The following IQSEC2 variants were observed in gnomAD, a reference collection of about 807,000 sequenced individuals.
IQSEC2 encodes the protein IQ motif and Sec7 domain ArfGEF 2, also known as IQ motif and SEC7 domain-containing protein 2.
A neutral mutation model predicts 74.6 loss-of-function variants in IQSEC2; 6 were observed. The observed-to-expected ratio is 0.08, with a 90% CI of 0.04 to 0.16. The LOEUF is 0.16. Ranked by LOEUF, IQSEC2 falls within the 10% of genes least tolerant of loss-of-function variation. The pLI is 1.00. For missense variants in IQSEC2, 734 were observed against 1,306.2 expected, an observed-to-expected ratio of 0.56 and a Z score of 6.75; for synonymous variants, 494 against 544.5, an observed-to-expected ratio of 0.91 and a Z score of 1.29.
At chrX:53,296,434 G>A (rs2075153528) in intron 1 of IQSEC2, among the ~76,000 whole-genome samples, 1 of 111,925 alleles carries the variant, frequency 8.9e-6, no homozygotes, top group African/African-American at 3.3e-5. Flanking sequence ...CCCTGGCCCA[G>A]AAATCATGCG....
chrX:53,285,759 G>A (rs2075019445), intron 2 of IQSEC2, among the ~76,000 whole-genome samples: 1 of 112,470 alleles, frequency 8.9e-6, no homozygotes, highest in Non-Finnish European at 1.9e-5. Context: ...TGTGTGCCAG[G>A]CCAGAGTCAG....
chrX:53,315,203 C>G (rs899912242), intron 1 of IQSEC2, among the ~76,000 whole-genome samples: 1 of 111,654 alleles, frequency 9.0e-6, no homozygotes, highest in Admixed American at 9.5e-5. Context: ...CCAGCCTGAC[C>G]AACATGGTGA....
In IQSEC2 at chrX:53,255,889, C is replaced by G. The variant is rs782768117; in HGVS notation, c.910G>C (p.Ala304Pro). 8.3e-7 allele frequency: 1 copy of G among 1,210,818 alleles called. No individual in the cohort carries two copies. The highest frequency in any genetic ancestry group is 1.1e-6 in the Non-Finnish European group (1 of 894,975). ...TCCTCCTCCTCCTGCTTCCTCAGGG[C>G]GACACTGGCTGGCTGGAGGCGTGCC... ...QRARLQPASV[A>P]LRKQEEEEIK... Residue 304 changes from alanine (A) to proline (P), a missense_variant, in exon 3 of 15, where the codon GCC becomes CCC. By Grantham distance (27) the Ala-to-Pro change is conservative. This residue lies in a region of IQSEC2 where 54 missense variants were observed against 62.1 expected (regional missense o/e 0.87). Coordinates refer to ENST00000642864, the MANE Select transcript of IQSEC2 (RefSeq NM_001111125.3).
intron 2 of IQSEC2, among the ~76,000 whole-genome samples, chrX:53,272,972 C>T (rs2074766347): frequency 9.0e-6 from 1 of 111,555 alleles, no homozygotes; most frequent in Non-Finnish European, 1.9e-5. Context: ...GCATTATCTC[C>T]AATCCTAAAG....
intron 1 of IQSEC2, among the ~76,000 whole-genome samples, chrX:53,297,310 T>G (rs2075163116): frequency 9.0e-6 from 1 of 111,485 alleles, no homozygotes; most frequent in Non-Finnish European, 1.9e-5. Context: ...AACTTTTTAT[T>G]TTCCCTGCTA....
intron 1 of IQSEC2, among the ~76,000 whole-genome samples, chrX:53,316,383 C>A (rs1205977185): frequency 1.8e-5 from 2 of 111,242 alleles, no homozygotes; most frequent in Non-Finnish European, 3.8e-5. Flanking sequence ...GGAAAAGTAC[C>A]CAAGACCCCA....
At chrX:53,239,323 G>T in intron 10 of IQSEC2, 29 bp from the exon 11 acceptor site, 1 of 1,002,385 alleles carries the variant, frequency 1.0e-6, no homozygotes, top group South Asian at 1.9e-5. Context: ...AAAGACAAGA[G>T]GCAGCGCTTT....
At chrX:53,241,932 G>A in intron 9 of IQSEC2, 23 bp from the exon 10 acceptor site, 1 of 1,203,121 alleles carries the variant, frequency 8.3e-7, no homozygotes, top group Middle Eastern at 2.4e-4. Flanking sequence ...GAAGAAACAG[G>A]TGTCAGCAAG....
At chrX:53,306,490 G>T (rs1048345022) in intron 1 of IQSEC2, among the ~76,000 whole-genome samples, 3 of 111,533 alleles carry the variant, frequency 2.7e-5, no homozygotes, top group Admixed American at 9.5e-5. Flanking sequence ...GATAAGGGCT[G>T]GGGCCAGAAG....
At chrX:53,265,869 T>A (rs1171554740) in intron 2 of IQSEC2, among the ~76,000 whole-genome samples, 2 of 112,500 alleles carry the variant, frequency 1.8e-5, no homozygotes, top group Non-Finnish European at 3.7e-5. Context: ...AATTGCATCA[T>A]CAGAATTTGT....
intron 2 of IQSEC2, among the ~76,000 whole-genome samples, chrX:53,291,364 C>T (rs1310126849): frequency 1.8e-5 from 2 of 111,667 alleles, no homozygotes; most frequent in Non-Finnish European, 3.8e-5. Context: ...TAAAATAAAA[C>T]GTACTGAAGC....
At chrX:53,255,381 G>C (rs1394970111) in intron 3 of IQSEC2, among the ~76,000 whole-genome samples, 1 of 111,215 alleles carries the variant, frequency 9.0e-6, no homozygotes, top group East Asian at 2.8e-4. Context: ...TTTGGTGTAG[G>C]GTATATGTTT....
chrX:53,314,002 T>C (rs1260577741), intron 1 of IQSEC2, among the ~76,000 whole-genome samples: 1 of 112,149 alleles, frequency 8.9e-6, no homozygotes, highest in African/African-American at 3.2e-5. Context: ...AGAATTTATT[T>C]TTCCTTAGGG....
At chrX:53,235,871 ACC>A (rs782107172) in intron 13 of IQSEC2, 39 bp from the exon 14 acceptor site, 1 of 1,042,710 alleles carries the variant, frequency 9.6e-7, no homozygotes, top group Non-Finnish European at 1.3e-6. Flanking sequence ...CAGAGCAGCA[ACC>A]CCCCCCCTAC....
chrX:53,309,818 C>A (rs2075303909), intron 1 of IQSEC2, among the ~76,000 whole-genome samples: 2 of 112,244 alleles, frequency 1.8e-5, no homozygotes, highest in African/African-American at 6.5e-5. Context: ...AAGAAATCAA[C>A]AAAGATGCTA....
intron 10 of IQSEC2, among the ~76,000 whole-genome samples, chrX:53,240,197 G>A (rs1207655475): frequency 8.9e-6 from 1 of 112,178 alleles, no homozygotes; most frequent in Admixed American, 9.4e-5. Context: ...CTCAGAGGGA[G>A]CATGGAAATA....
intron 2 of IQSEC2, among the ~76,000 whole-genome samples, chrX:53,290,487 C>T (rs2075087378): frequency 1.8e-5 from 2 of 111,916 alleles, no homozygotes; most frequent in Admixed American, 9.4e-5. Flanking sequence ...CTCGGGTGGC[C>T]TCTCTCCAAA....
Position 53,250,799 on chromosome X carries a change from G to A in IQSEC2, c.1777C>T (p.Leu593=), listed in dbSNP as rs781905098. Residue 593 remains leucine (L), a synonymous_variant, in exon 5 of 15, where the codon CTG becomes TTG. Transcript: ENST00000642864. The part of the protein sequence containing the change: ...DFRLRAAHLP[L]LTIEPPSDSS... Reference sequence around the variant, plus strand: ...TCACTAGGAGGCTCAATGGTAAGCAGGGGAAGGTGGGCAGCCCGCAGCCGG... The same window carrying A: ...TCACTAGGAGGCTCAATGGTAAGCAAGGGAAGGTGGGCAGCCCGCAGCCGG... 1.7e-6 allele frequency: 2 copies of A among 1,209,412 alleles called. No individual in the cohort carries two copies. Among genetic ancestry groups the A allele is most frequent in the Non-Finnish European group, 2.2e-6 (2 of 894,106 alleles).
At chrX:53,236,670 C>T (rs781846983) in intron 12 of IQSEC2, among the ~76,000 whole-genome samples, 175 bp from the exon 13 acceptor site, 1 of 111,086 alleles carries the variant, frequency 9.0e-6, no homozygotes, top group East Asian at 2.9e-4. Context: ...CCCAAAACTG[C>T]AGCTCCATCA....
Sources: allele counts gnomAD v4.1 joint callset (sites outside exome capture counted in the v4.1 genomes callset), GRCh38; gene constraint gnomAD v4.1.1; regional missense constraint gnomAD v4.1.1; transcripts MANE v1.5; gene names NCBI Gene and HGNC (gene_info 2026-07-23, HGNC 2026-07-21).